The following PPFIA2 variants were observed in gnomAD, a reference collection of about 807,000 sequenced individuals.
The protein encoded by PPFIA2 is liprin-alpha-2.
In PPFIA2, 46 loss-of-function variants were observed where a neutral mutation model predicts 175.5. That is an observed-to-expected ratio of 0.26 (90% CI 0.21 to 0.34). PPFIA2 has a LOEUF of 0.34. Ranked by LOEUF, PPFIA2 falls within the 10% of genes least tolerant of loss-of-function variation. PPFIA2 has a pLI of 1.00. For missense variants in PPFIA2, 1,179 were observed against 1,506.1 expected, an observed-to-expected ratio of 0.78 and a Z score of 3.60; for synonymous variants, 568 against 511.4, an observed-to-expected ratio of 1.11 and a Z score of -1.49.
intron 4 of PPFIA2, among the ~76,000 whole-genome samples, chr12:81,467,428 C>T (rs921015011): frequency 6.6e-6 from 1 of 152,190 alleles, no homozygotes; most frequent in Non-Finnish European, 1.5e-5. Flanking sequence ...GTGGCTCACG[C>T]TTGTAATCCC....
chr12:81,326,920 T>G (rs568624427), intron 21 of PPFIA2, among the ~76,000 whole-genome samples: 1 of 152,256 alleles, frequency 6.6e-6, no homozygotes, highest in South Asian at 2.1e-4. Context: ...AGTAAATAAC[T>G]ATTGAAGACA....
intron 4 of PPFIA2, among the ~76,000 whole-genome samples, chr12:81,563,335 C>T (rs1162067272): frequency 1.3e-5 from 2 of 152,202 alleles, no homozygotes; most frequent in Non-Finnish European, 2.9e-5. Flanking sequence ...GCTTTTCATA[C>T]ATGTACAACC....
At chr12:81,264,755 G>A (rs2036685245) in intron 30 of PPFIA2, among the ~76,000 whole-genome samples, 1 of 152,120 alleles carries the variant, frequency 6.6e-6, no homozygotes, top group Non-Finnish European at 1.5e-5. Context: ...CAGTGTGGTA[G>A]CCATTTTGCA....
chr12:81,665,436 G>T (rs189330872), intron 4 of PPFIA2, among the ~76,000 whole-genome samples: 2 of 151,998 alleles, frequency 1.3e-5, no homozygotes, highest in Admixed American at 1.3e-4. Context: ...GGTCTTTCAG[G>T]TGTTAGTCTG....
chr12:81,376,893 T>C (rs2036498882), intron 9 of PPFIA2, among the ~76,000 whole-genome samples: 1 of 152,076 alleles, frequency 6.6e-6, no homozygotes, highest in Non-Finnish European at 1.5e-5. Flanking sequence ...TCCTACAGGG[T>C]CCAGAGCCAG....
intron 5 of PPFIA2, among the ~76,000 whole-genome samples, chr12:81,446,926 T>C (rs2051386958): frequency 6.6e-6 from 1 of 152,172 alleles, no homozygotes; most frequent in African/African-American, 2.4e-5. Flanking sequence ...TAGAAAACTT[T>C]GCCATTATTG....
At chr12:81,694,849 C>T (rs903715781) in intron 3 of PPFIA2, among the ~76,000 whole-genome samples, 7 of 152,134 alleles carry the variant, frequency 4.6e-5, no homozygotes, top group African/African-American at 1.2e-4. Context: ...GTGGAGCTTT[C>T]CAAGGCCTTG....
intron 7 of PPFIA2, among the ~76,000 whole-genome samples, chr12:81,413,923 T>A (rs2044464607): frequency 6.6e-6 from 1 of 151,790 alleles, no homozygotes; most frequent in Admixed American, 6.6e-5. Context: ...AGAAATTAAA[T>A]TTCTAATTAA....
intron 4 of PPFIA2, among the ~76,000 whole-genome samples, chr12:81,489,070 C>T (rs1567034989): frequency 6.6e-6 from 1 of 151,762 alleles, no homozygotes; most frequent in Non-Finnish European, 1.5e-5. Context: ...ACCATATTCT[C>T]AATATGTGCT....
Position 81,281,250 on chromosome 12 carries a change from C to T in PPFIA2, c.3212+7G>A. ...TTCTTTGGGGAAAAAAAAGAAAAAACACCTACCGATGGAAACTATCCACCA... is the reference window on the plus strand; with the variant it reads ...TTCTTTGGGGAAAAAAAAGAAAAAATACCTACCGATGGAAACTATCCACCA... On this transcript the variant is annotated splice_region_variant and intron_variant, in intron 27 of 32. Coordinates refer to ENST00000549396, the MANE Select transcript of PPFIA2 (RefSeq NM_003625.5). 1 of 1,548,080 alleles carries T rather than the reference C, an allele frequency of 6.5e-7. No homozygotes were observed. The highest frequency in any genetic ancestry group is 8.7e-7 in the Non-Finnish European group (1 of 1,145,382).
intron 4 of PPFIA2, among the ~76,000 whole-genome samples, chr12:81,470,121 G>A (rs933181437): frequency 2.0e-5 from 3 of 152,156 alleles, no homozygotes; most frequent in African/African-American, 7.2e-5. Flanking sequence ...TTTACACTTC[G>A]AGTAGTATCA....
intron 32 of PPFIA2, chr12:81,260,072 C>G (rs747539100): frequency 6.4e-6 from 1 of 155,316 alleles, no homozygotes; most frequent in Non-Finnish European, 1.4e-5. Flanking sequence ...AAAAACATAA[C>G]GATAATAAGT....
intron 4 of PPFIA2, among the ~76,000 whole-genome samples, chr12:81,540,898 A>G (rs1421179009): frequency 4.6e-5 from 7 of 152,122 alleles, no homozygotes; most frequent in African/African-American, 1.7e-4. Flanking sequence ...TCTCTTTAGG[A>G]AGACAAATAT....
intron 4 of PPFIA2, among the ~76,000 whole-genome samples, chr12:81,564,046 A>C (rs2070773529): frequency 6.6e-6 from 1 of 152,202 alleles, no homozygotes; most frequent in Admixed American, 6.5e-5. Context: ...AAAGGGAATA[A>C]AAAATTGGCT....
chr12:81,726,185 G>A (rs1277513908), intron 3 of PPFIA2, among the ~76,000 whole-genome samples: 3 of 151,188 alleles, frequency 2.0e-5, no homozygotes, highest in Admixed American at 6.6e-5. Flanking sequence ...TTCTACTAAA[G>A]CCATTCCATA....
intron 4 of PPFIA2, among the ~76,000 whole-genome samples, chr12:81,617,784 T>C (rs1184453346): frequency 1.3e-5 from 2 of 152,222 alleles, no homozygotes; most frequent in Non-Finnish European, 2.9e-5. Context: ...CAGCTATAAG[T>C]TGCACACTAT....
chr12:81,541,974 T>C (rs1732046962), intron 4 of PPFIA2, among the ~76,000 whole-genome samples: 1 of 152,018 alleles, frequency 6.6e-6, no homozygotes, highest in Admixed American at 6.6e-5. Context: ...TGAACTCATG[T>C]TCAGTTTAAT....
intron 8 of PPFIA2, among the ~76,000 whole-genome samples, chr12:81,404,776 C>T (rs558064787): frequency 1.6e-4 from 25 of 152,216 alleles, no homozygotes; most frequent in African/African-American, 5.5e-4. Flanking sequence ...TAAGAAGTCC[C>T]TCTATTTTTT....
intron 4 of PPFIA2, among the ~76,000 whole-genome samples, chr12:81,570,989 T>TA (rs1029590982): frequency 1.3e-4 from 20 of 151,868 alleles, no homozygotes; most frequent in South Asian, 4.2e-4. Context: ...CATCCCCTAG[T>TA]AAAAAAAATC....
Sources: allele counts gnomAD v4.1 joint callset (sites outside exome capture counted in the v4.1 genomes callset), GRCh38; gene constraint gnomAD v4.1.1; transcripts MANE v1.5; gene names NCBI Gene and HGNC (gene_info 2026-07-23, HGNC 2026-07-21).